The following PDE9A variants were observed in gnomAD, a reference collection of about 807,000 sequenced individuals.
PDE9A encodes the protein high affinity cGMP-specific 3',5'-cyclic phosphodiesterase 9A.
A neutral mutation model predicts 87.4 loss-of-function variants in PDE9A; 60 were observed. The observed-to-expected ratio is 0.69, with a 90% CI of 0.56 to 0.85. PDE9A has a LOEUF of 0.85. PDE9A is among the 40% of genes least tolerant of loss of function. PDE9A has a pLI of 0.00. For missense variants in PDE9A, 665 were observed against 779.0 expected, an observed-to-expected ratio of 0.85 and a Z score of 1.74; for synonymous variants, 272 against 279.4, an observed-to-expected ratio of 0.97 and a Z score of 0.27.
At chr21:42,664,669 G>A (rs2145873594) in intron 1 of PDE9A, among the ~76,000 whole-genome samples, 1 of 152,314 alleles carries the variant, frequency 6.6e-6, no homozygotes, top group South Asian at 2.1e-4. Flanking sequence ...GGGAAAGGAA[G>A]GGAGGGAGGG....
intron 7 of PDE9A, among the ~76,000 whole-genome samples, chr21:42,735,901 C>G (rs1319310618): frequency 2.0e-5 from 3 of 152,196 alleles, no homozygotes; most frequent in African/African-American, 7.2e-5. Context: ...GAGGCTGGCT[C>G]AGCTCTCCAC....
At chr21:42,690,681 C>T (rs1282412674) in intron 3 of PDE9A, among the ~76,000 whole-genome samples, 1 of 152,060 alleles carries the variant, frequency 6.6e-6, no homozygotes, top group Non-Finnish European at 1.5e-5. Context: ...TCTGACCTCC[C>T]TGCCTCCAGC....
chr21:42,664,057 C>T (rs1329731835), intron 1 of PDE9A, among the ~76,000 whole-genome samples: 7 of 152,242 alleles, frequency 4.6e-5, no homozygotes, highest in African/African-American at 1.4e-4. Flanking sequence ...GGGGCCGAGT[C>T]GGGTCCAGAT....
At chr21:42,673,411 C>G (rs377252554) in intron 1 of PDE9A, among the ~76,000 whole-genome samples, 1 of 152,320 alleles carries the variant, frequency 6.6e-6, no homozygotes, top group East Asian at 1.9e-4. Flanking sequence ...GAGGTCAGTC[C>G]GCTGATTGAC....
chr21:42,670,851 C>T (rs2058524564), intron 1 of PDE9A, among the ~76,000 whole-genome samples: 1 of 152,148 alleles, frequency 6.6e-6, no homozygotes, highest in Admixed American at 6.5e-5. Context: ...AAGTCAGGAT[C>T]CTAGCACAGC....
chr21:42,673,952 C>T (rs1406697278), intron 1 of PDE9A, among the ~76,000 whole-genome samples: 1 of 152,238 alleles, frequency 6.6e-6, no homozygotes, highest in African/African-American at 2.4e-5. Flanking sequence ...AATGCGTCGT[C>T]CTTGAACGTG....
intron 4 of PDE9A, among the ~76,000 whole-genome samples, chr21:42,711,207 C>T (rs2049304464): frequency 6.7e-6 from 1 of 150,066 alleles, no homozygotes; most frequent in African/African-American, 2.4e-5. Context: ...TCCAATGTAA[C>T]AAGTTTTTCT....
intron 4 of PDE9A, among the ~76,000 whole-genome samples, chr21:42,700,144 A>G (rs922050592): frequency 6.6e-6 from 1 of 152,158 alleles, no homozygotes; most frequent in African/African-American, 2.4e-5. Context: ...TTGACTCAAC[A>G]TAATGTTTTT....
rs113880222 is a variant in PDE9A, at chr21:42,723,893, G to A, written c.263-7877G>A. ...TTAAAACTATTAAGACACTATCAAC[G>A]TGAAATGACTTGAATAGGCTTTAAT... On this transcript the variant is annotated intron_variant, in intron 4 of 19. Transcript: ENST00000291539. This position sits in a 1 kb window ranked among gnomAD's most constrained non-coding sequence, Gnocchi z 4.3. Among the ~76,000 whole-genome samples the A allele has an allele frequency of 9.9e-4, 150 of 152,270 alleles. 1 individual carries two copies. The highest frequency in any genetic ancestry group is 3.0e-3 in the African/African-American group (124 of 41,552).
chr21:42,753,887 G>T, intron 9 of PDE9A, 103 bp from the exon 10 acceptor site: 5 of 563,492 alleles, frequency 8.9e-6, no homozygotes, highest in Non-Finnish European at 1.2e-5. Context: ...AAGAAAGAAA[G>T]AAAAAGAAAG....
intron 2 of PDE9A, among the ~76,000 whole-genome samples, chr21:42,686,936 C>T (rs1343312294): frequency 6.6e-6 from 1 of 151,848 alleles, no homozygotes; most frequent in African/African-American, 2.4e-5. Flanking sequence ...CCATAGGTGC[C>T]TTTTCTACCC....
intron 4 of PDE9A, among the ~76,000 whole-genome samples, chr21:42,715,213 T>C (rs986790247): frequency 8.0e-6 from 1 of 124,936 alleles, no homozygotes; most frequent in Admixed American, 8.2e-5. Flanking sequence ...TTTTTTACAA[T>C]TGATAGACTT....
intron 1 of PDE9A, among the ~76,000 whole-genome samples, chr21:42,678,129 A>T (rs958360269): frequency 6.6e-6 from 1 of 152,236 alleles, no homozygotes; most frequent in Non-Finnish European, 1.5e-5. Context: ...AAAATGAACC[A>T]GGGTCTGCTC....
intron 16 of PDE9A, chr21:42,768,560 T>G: frequency 7.8e-7 from 1 of 1,281,822 alleles, no homozygotes. Flanking sequence ...CAAGCAGCCT[T>G]GTCAAACAAA....
chr21:42,771,250 C>T (rs904159741), intron 18 of PDE9A, among the ~76,000 whole-genome samples: 12 of 152,220 alleles, frequency 7.9e-5, no homozygotes, highest in African/African-American at 2.7e-4. Context: ...TGCCAGCTCC[C>T]GGGCCCAGAA....
intron 1 of PDE9A, among the ~76,000 whole-genome samples, chr21:42,663,993 G>A (rs1261640272): frequency 1.3e-5 from 2 of 152,184 alleles, no homozygotes; most frequent in Non-Finnish European, 2.9e-5. Flanking sequence ...TCCCTGTGGT[G>A]AGTCCACCAT....
chr21:42,682,367 T>C (rs2059215148), intron 1 of PDE9A, among the ~76,000 whole-genome samples: 1 of 152,174 alleles, frequency 6.6e-6, no homozygotes, highest in South Asian at 2.1e-4. Flanking sequence ...TCCCCACCTT[T>C]TTTCCAACAT....
intron 1 of PDE9A, among the ~76,000 whole-genome samples, chr21:42,672,370 A>G (rs1305849725): frequency 6.6e-6 from 1 of 152,244 alleles, no homozygotes; most frequent in Non-Finnish European, 1.5e-5. Context: ...GGTCCTTTTC[A>G]GGACCCAGAG....
At chr21:42,769,560 A>G (rs1037252128) in intron 17 of PDE9A, among the ~76,000 whole-genome samples, 8 of 42,114 alleles carry the variant, frequency 1.9e-4, no homozygotes, top group Non-Finnish European at 3.0e-4. Flanking sequence ...ACACACAGGC[A>G]CACACACACA....
Sources: allele counts gnomAD v4.1 joint callset (sites outside exome capture counted in the v4.1 genomes callset), GRCh38; gene constraint gnomAD v4.1.1; non-coding constraint Gnocchi (gnomAD v3.1); transcripts MANE v1.5; gene names NCBI Gene and HGNC (gene_info 2026-07-23, HGNC 2026-07-21).